DISP1: variants seen among roughly 807,000 people sequenced by gnomAD.
The protein encoded by DISP1 is dispatched RND transporter family member 1.
A neutral mutation model predicts 37.3 loss-of-function variants in DISP1; 30 were observed. The ratio of observed to expected loss-of-function variants is 0.80; its 90% confidence interval spans 0.60 to 1.09. The LOEUF (loss-of-function observed/expected upper bound fraction) is 1.09, where lower values mean the gene tolerates loss of function less well. DISP1 is among the 50% of genes least tolerant of loss of function. The probability of loss-of-function intolerance (pLI) is 0.00; values close to 1 mark genes in which losing one functional copy is unlikely to be tolerated. For missense variants in DISP1, 1,598 were observed against 1,879.5 expected (o/e 0.85, Z 2.77); for synonymous variants, 634 against 690.2 (o/e 0.92, Z 1.28).
chr1:222,979,810 A>G (rs1445784807), intron 3 of DISP1: 1 of 317,518 alleles, frequency 3.1e-6, no homozygotes, highest in Non-Finnish European at 6.6e-6. Flanking sequence ...GCTGTCTCCT[A>G]CAGCCACACA....
chr1:222,982,866 G>C (rs1156255213), intron 3 of DISP1, among the ~76,000 whole-genome samples: 1 of 151,998 alleles, frequency 6.6e-6, no homozygotes, highest in Non-Finnish European at 1.5e-5. Flanking sequence ...CTCCTGACTA[G>C]CCACTCGAGC....
intron 3 of DISP1, chr1:222,943,567 A>G (rs557913609): frequency 1.3e-5 from 8 of 597,370 alleles, no homozygotes; most frequent in East Asian, 5.8e-5. Context: ...CCTGTCTGCA[A>G]ACTGGTTAGG....
intron 2 of DISP1, among the ~76,000 whole-genome samples, chr1:222,940,135 A>G (rs1572567249): frequency 6.6e-6 from 1 of 151,950 alleles, no homozygotes; most frequent in Non-Finnish European, 1.5e-5. Flanking sequence ...CAAAAAAAAA[A>G]AGAAAAGAAA....
chr1:222,927,109 A>ATT (rs112368421), intron 1 of DISP1, among the ~76,000 whole-genome samples: 9 of 138,624 alleles, frequency 6.5e-5, no homozygotes, highest in South Asian at 2.3e-4. Flanking sequence ...TTACCAAGCT[A>ATT]TTTTTTTTTT....
chr1:222,911,871 T>C (rs944608531), intron 1 of DISP1, among the ~76,000 whole-genome samples: 5 of 152,204 alleles, frequency 3.3e-5, no homozygotes, highest in African/African-American at 1.2e-4. Flanking sequence ...GCCAACATAG[T>C]AACAAGGTTT....
intron 4 of DISP1, among the ~76,000 whole-genome samples, chr1:222,985,378 A>G (rs1053186422): frequency 1.3e-5 from 2 of 152,236 alleles, no homozygotes; most frequent in Admixed American, 6.5e-5. Context: ...TTGGCCGGGC[A>G]CAGTGGCTCA....
chr1:222,838,105 G>A (rs1667358360), intron 1 of DISP1, among the ~76,000 whole-genome samples: 1 of 152,006 alleles, frequency 6.6e-6, no homozygotes, highest in Non-Finnish European at 1.5e-5. Context: ...ATAAGGCAAA[G>A]GAAGATTTAG....
intron 1 of DISP1, among the ~76,000 whole-genome samples, chr1:222,859,524 A>G (rs879607612): frequency 6.6e-6 from 1 of 152,198 alleles, no homozygotes; most frequent in Non-Finnish European, 1.5e-5. Flanking sequence ...TCTCAGAGAT[A>G]AGAGAAGATA....
chr1:222,936,651 ATC>A (rs1405035115), intron 2 of DISP1, among the ~76,000 whole-genome samples: 31 of 111,078 alleles, frequency 2.8e-4, no homozygotes, highest in South Asian at 2.4e-3. Context: ...AGATATATAT[ATC>A]TCTCATATAT....
At position 222,958,822 on chromosome 1, in the gene DISP1, T is replaced by G. The variant is rs1299725301; in HGVS notation, c.509+15490T>G. On this transcript the variant is annotated intron_variant, in intron 3 of 8. Transcript: ENST00000675850. ...ATGGGAAAAGATGAACATTTTGAAG[T>G]CATATATTTCCTTTTCTCTCACCTG... is the stretch of plus-strand genomic sequence containing the variant. 3.3e-5 allele frequency among the ~76,000 whole-genome samples: 5 copies of G among 152,158 alleles called. No homozygotes were observed. In the South Asian group the frequency reaches 8.3e-4, roughly 25 times the overall value.
chr1:222,821,161 T>C (rs1175089296), intron 1 of DISP1, among the ~76,000 whole-genome samples: 1 of 152,202 alleles, frequency 6.6e-6, no homozygotes, highest in Admixed American at 6.5e-5. Flanking sequence ...TCATTGCAGA[T>C]TCCATCTCTT....
intron 1 of DISP1, among the ~76,000 whole-genome samples, chr1:222,844,331 A>G (rs1391685985): frequency 6.6e-6 from 1 of 152,120 alleles, no homozygotes; most frequent in African/African-American, 2.4e-5. Flanking sequence ...GGAGTTTAGT[A>G]TTTTTATAGG....
intron 3 of DISP1, among the ~76,000 whole-genome samples, chr1:222,975,236 GCCAGT>G (rs1277779607): frequency 6.6e-6 from 1 of 151,670 alleles, no homozygotes; most frequent in Non-Finnish European, 1.5e-5. Flanking sequence ...TCACGCCCAG[GCCAGT>G]CTTGAACTCC....
Position 222,845,546 on chromosome 1 carries a change from A to T in DISP1, c.-159+30468A>T, listed in dbSNP as rs539253998. On this transcript the variant is annotated intron_variant, in intron 1 of 8. Transcript: ENST00000675850. ...CAAGTGTTTTTGAAACATTATGTAG[A>T]TTTGCAATGCAGTTTCATTAGCACA... Among the ~76,000 whole-genome samples, 9 of 152,324 alleles carry T rather than the reference A, an allele frequency of 5.9e-5. No homozygotes were observed. In the South Asian group the frequency reaches 1.9e-3, roughly 32 times the overall value.
chr1:222,851,860 A>G (rs1275634380), intron 1 of DISP1, among the ~76,000 whole-genome samples: 1 of 151,716 alleles, frequency 6.6e-6, no homozygotes, highest in Non-Finnish European at 1.5e-5. Flanking sequence ...CTAATTGTCC[A>G]GTAGAAAAAT....
At chr1:222,816,652 CTG>C (rs1253043070) in intron 1 of DISP1, among the ~76,000 whole-genome samples, 1 of 152,158 alleles carries the variant, frequency 6.6e-6, no homozygotes, top group Non-Finnish European at 1.5e-5. Flanking sequence ...CCTTGAATAT[CTG>C]TGCTTGAGTG....
At chr1:222,943,794 C>T (rs1209702427) in intron 3 of DISP1, among the ~76,000 whole-genome samples, 9 of 152,040 alleles carry the variant, frequency 5.9e-5, no homozygotes, top group Non-Finnish European at 1.0e-4. Context: ...TTTGGGAGGC[C>T]GAGGCAGGCG....
At position 222,893,120 on chromosome 1, in the gene DISP1, G is replaced by A. The variant is rs1037533052; in HGVS notation, c.-158-35310G>A. On this transcript the variant is annotated intron_variant, in intron 1 of 8. Transcript: ENST00000675850. The surrounding 1 kb of genome is among the most constrained non-coding windows in gnomAD (Gnocchi z 4.3). ...CAGGTATAGATCATTTTTATGTTACGAAAATATCGATCTTATCACAATACC... is the reference window on the plus strand; with the variant it reads ...CAGGTATAGATCATTTTTATGTTACAAAAATATCGATCTTATCACAATACC... Among the ~76,000 whole-genome samples, 8 of 151,960 alleles carry A rather than the reference G, an allele frequency of 5.3e-5. No homozygotes were observed. Among genetic ancestry groups the A allele is most frequent in the Non-Finnish European group, 8.8e-5 (6 of 67,982 alleles).
intron 1 of DISP1, among the ~76,000 whole-genome samples, chr1:222,860,812 G>T (rs1477613373): frequency 6.6e-6 from 1 of 152,126 alleles, no homozygotes; most frequent in African/African-American, 2.4e-5. Flanking sequence ...TTCAGAGATT[G>T]CAGTGAGCCA....
Sources: gnomAD v4.1 joint callset for allele counts (sites outside exome capture counted in the v4.1 genomes callset) on GRCh38, gnomAD v4.1.1 for gene constraint, Gnocchi (gnomAD v3.1) non-coding constraint, MANE v1.5 for transcripts, NCBI Gene and HGNC (gene_info 2026-07-23, HGNC 2026-07-21) for gene names.